BCL2: variants seen among roughly 807,000 people sequenced by gnomAD.
BCL2 encodes the protein BCL2 apoptosis regulator, also known as apoptosis regulator Bcl-2.
In BCL2, 1 loss-of-function variant was observed where a neutral mutation model predicts 14.2. That is an observed-to-expected ratio of 0.07 (90% CI 0.02 to 0.33). The LOEUF is 0.33. BCL2 is among the 10% of genes least tolerant of loss of function. BCL2 has a pLI of 0.99. For missense variants in BCL2, 247 were observed against 305.9 expected (o/e 0.81, Z 1.44); for synonymous variants, 151 against 137.2 (o/e 1.10, Z -0.70).
At chr18:63,154,906 T>C (rs764438909) in intron 2 of BCL2, among the ~76,000 whole-genome samples, 14 of 152,184 alleles carry the variant, frequency 9.2e-5, no homozygotes, top group Non-Finnish European at 1.6e-4. Flanking sequence ...TCCATAAAGA[T>C]TGTGTTATGC....
intron 2 of BCL2, among the ~76,000 whole-genome samples, chr18:63,295,715 C>G (rs766167062): frequency 6.6e-6 from 1 of 152,122 alleles, no homozygotes; most frequent in Non-Finnish European, 1.5e-5. Context: ...TTGATCAATT[C>G]TCTCTTCTTC....
chr18:63,317,188 T>A (rs1913525143), intron 2 of BCL2: 1 of 152,204 alleles, frequency 6.6e-6, no homozygotes, highest in Non-Finnish European at 1.5e-5. Flanking sequence ...GGTAAGATAA[T>A]CCACAGCTAA....
chr18:63,168,694 C>T (rs1179295738), intron 2 of BCL2, among the ~76,000 whole-genome samples: 2 of 152,240 alleles, frequency 1.3e-5, no homozygotes, highest in African/African-American at 4.8e-5. Context: ...GAAATGTGGA[C>T]TGCTCCGTTT....
chr18:63,177,913 G>GC (rs1915387878), intron 2 of BCL2, among the ~76,000 whole-genome samples: 1 of 152,012 alleles, frequency 6.6e-6, no homozygotes, highest in South Asian at 2.1e-4. Flanking sequence ...AATTAACTCA[G>GC]CCCCCCTCCT....
Position 63,131,595 on chromosome 18 carries a change from A to G in BCL2, c.586-2836T>C, listed in dbSNP as rs539088229. 3.3e-5 allele frequency among the ~76,000 whole-genome samples: 5 copies of G among 152,266 alleles called. No homozygotes were observed. The East Asian group carries it at 5.8e-4, about 18-fold the overall frequency. ...CAAATGTCAACTAGTCCTCCCATCC[A>G]TGCTTCTCTCTCTGAGGGATGGGTA... is the stretch of plus-strand genomic sequence containing the variant. On this transcript the variant is annotated intron_variant, in intron 2 of 2. Coordinates refer to ENST00000333681, the MANE Select transcript of BCL2 (RefSeq NM_000633.3).
intron 2 of BCL2, among the ~76,000 whole-genome samples, chr18:63,265,255 C>T (rs1481586645): frequency 6.6e-6 from 1 of 152,162 alleles, no homozygotes. Context: ...AGAAAGGGCC[C>T]TTGTTCTTGT....
chr18:63,293,232 C>G (rs191338195), intron 2 of BCL2, among the ~76,000 whole-genome samples: 36 of 152,372 alleles, frequency 2.4e-4, no homozygotes, highest in Non-Finnish European at 3.8e-4. Flanking sequence ...AGCCTGACTG[C>G]ACTGCCCAGG....
upstream of BCL2, chr18:63,319,769 T>TG (rs1367112153): frequency 5.0e-6 from 1 of 201,548 alleles, no homozygotes; most frequent in Non-Finnish European, 1.0e-5. Flanking sequence ...CGGCGAGGGG[T>TG]GGGGAGAAGG....
chr18:63,265,291 A>G (rs1317325839), intron 2 of BCL2, among the ~76,000 whole-genome samples: 2 of 152,250 alleles, frequency 1.3e-5, no homozygotes, highest in Non-Finnish European at 2.9e-5. Flanking sequence ...CTTGGAGAAA[A>G]TAACACAATA....
chr18:63,249,735 C>T (rs1405051050), intron 2 of BCL2, among the ~76,000 whole-genome samples: 1 of 122,264 alleles, frequency 8.2e-6, no homozygotes, highest in African/African-American at 3.2e-5. Flanking sequence ...AAAAAAAAGG[C>T]AAGCTCTGAA....
chr18:63,298,906 T>C (rs1047731651), intron 2 of BCL2, among the ~76,000 whole-genome samples: 22 of 152,158 alleles, frequency 1.4e-4, no homozygotes, highest in Admixed American at 1.4e-3. Flanking sequence ...AGCAGCTTCC[T>C]GGAAGGCTCA....
intron 2 of BCL2, among the ~76,000 whole-genome samples, chr18:63,268,972 A>T (rs1208702860): frequency 6.6e-6 from 1 of 151,830 alleles, no homozygotes; most frequent in Non-Finnish European, 1.5e-5. Flanking sequence ...TTTTAAATAC[A>T]GAGTCTTTCT....
rs146473473 is a variant in BCL2, at chr18:63,250,905, T to C, written c.585+67177A>G. Among the ~76,000 whole-genome samples the C allele has an allele frequency of 2.0e-3, 300 of 152,328 alleles. 2 individuals are homozygous for C. Among genetic ancestry groups the C allele is most frequent in the Non-Finnish European group, 3.1e-3 (211 of 68,018 alleles). On this transcript the variant is annotated intron_variant, in intron 2 of 2. Transcript: ENST00000333681. ...ACAATCACTAACATGCAACCCAGCT[T>C]ATGGATACCACGGAGTTCCAATATT... is the stretch of plus-strand genomic sequence containing the variant.
chr18:63,263,577 C>G (rs1198995255), intron 2 of BCL2, among the ~76,000 whole-genome samples: 1 of 152,022 alleles, frequency 6.6e-6, no homozygotes, highest in African/African-American at 2.4e-5. Flanking sequence ...ATCTGTTTCT[C>G]CCGTTTCTAG....
chr18:63,246,054 T>G (rs1386926594), intron 2 of BCL2, among the ~76,000 whole-genome samples: 2 of 152,022 alleles, frequency 1.3e-5, no homozygotes, highest in African/African-American at 4.8e-5. Flanking sequence ...GATCAATAGG[T>G]TTTTGAAAAG....
chr18:63,134,895 G>A (rs1914169853), intron 2 of BCL2, among the ~76,000 whole-genome samples: 1 of 152,134 alleles, frequency 6.6e-6, no homozygotes, highest in African/African-American at 2.4e-5. Context: ...TTATAATTTT[G>A]TCTCCATGGG....
At chr18:63,178,119 G>A (rs1915393365) in intron 2 of BCL2, among the ~76,000 whole-genome samples, 2 of 152,206 alleles carry the variant, frequency 1.3e-5, no homozygotes, top group African/African-American at 4.8e-5. Flanking sequence ...GAGCCTGGGG[G>A]CCATGAAAGC....
chr18:63,207,956 C>A (rs1909887262), intron 2 of BCL2: 1 of 152,134 alleles, frequency 6.6e-6, no homozygotes, highest in African/African-American at 2.4e-5. Flanking sequence ...TATTTAACAT[C>A]TAAGGAAAGG....
intron 2 of BCL2, among the ~76,000 whole-genome samples, chr18:63,272,337 A>T (rs1032998767): frequency 4.6e-5 from 7 of 152,212 alleles, no homozygotes; most frequent in African/African-American, 1.7e-4. Context: ...CCATTACAGG[A>T]GGTATGTTGA....
Sources: allele counts gnomAD v4.1 joint callset (sites outside exome capture counted in the v4.1 genomes callset), GRCh38; gene constraint gnomAD v4.1.1; transcripts MANE v1.5; gene names NCBI Gene and HGNC (gene_info 2026-07-23, HGNC 2026-07-21).